Variants in DAB2IP observed in about 807,000 individuals in gnomAD.
The protein encoded by DAB2IP is disabled homolog 2-interacting protein.
A neutral mutation model predicts 107.2 loss-of-function variants in DAB2IP; 28 were observed. That is an observed-to-expected ratio of 0.26 (90% confidence interval 0.19 to 0.36). The LOEUF (loss-of-function observed/expected upper bound fraction) is 0.36. Ranked by LOEUF, DAB2IP falls within the 10% of genes least tolerant of loss-of-function variation. The pLI is 1.00. For synonymous variants in DAB2IP, 755 were observed against 706.4 expected, an observed-to-expected ratio of 1.07 and a Z score of -1.09; for missense variants, 1,400 against 1,644.7, an observed-to-expected ratio of 0.85 and a Z score of 2.57.
rs1337864990 is a variant in DAB2IP at position 121,772,920 on chromosome 9, G to A, written c.2392G>A (p.Ala798Thr). Reference sequence around the variant, plus strand: ...AACCCCAGTGAACCTGGCAGGGCTGGCCACGGTGCGGCGGGCAGGCCAGAC... The same window carrying A: ...AACCCCAGTGAACCTGGCAGGGCTGACCACGGTGCGGCGGGCAGGCCAGAC... Residue 798 changes from alanine (A) to threonine (T), a missense_variant, in exon 12 of 16, where the codon GCC becomes ACC. Around this residue, in one of 3 missense-constraint regions of DAB2IP, gnomAD observed 600 missense variants for 659.1 expected, o/e 0.91. Coordinates refer to ENST00000408936, the Ensembl canonical transcript of DAB2IP. The surrounding 1 kb of genome is among the most constrained non-coding windows in gnomAD (Gnocchi z 4.7). The A allele has an allele frequency of 6.4e-7, 1 of 1,563,840 alleles. No individual in the cohort carries two copies. Among genetic ancestry groups the A allele is most frequent in the Non-Finnish European group, 8.6e-7 (1 of 1,159,028 alleles).
chr9:121,762,800 A>T (rs559673375), intron 6 of DAB2IP, among the ~76,000 whole-genome samples: 1 of 152,228 alleles, frequency 6.6e-6, no homozygotes, highest in East Asian at 1.9e-4. Flanking sequence ...TAGTATCTGC[A>T]TGGTTGCTAG....
intron 1 of DAB2IP, among the ~76,000 whole-genome samples, chr9:121,664,703 C>T (rs572117471): frequency 9.2e-5 from 14 of 152,208 alleles, no homozygotes; most frequent in Non-Finnish European, 1.3e-4. Context: ...TGAGTGCTGG[C>T]GGAAGACACG....
intron 1 of DAB2IP, among the ~76,000 whole-genome samples, chr9:121,573,084 G>GTTTA (rs1829986000): frequency 1.3e-5 from 2 of 152,114 alleles, no homozygotes; most frequent in African/African-American, 4.8e-5. Flanking sequence ...TTGTTTGTTT[G>GTTTA]TTTGTTTTTG....
At chr9:121,593,530 C>T (rs1830457149) in intron 1 of DAB2IP, among the ~76,000 whole-genome samples, 1 of 152,160 alleles carries the variant, frequency 6.6e-6, no homozygotes, top group Admixed American at 6.5e-5. Flanking sequence ...TCCTGGCCTC[C>T]CAAAGTGCTG....
At chr9:121,704,459 T>C (rs1320689742) in intron 3 of DAB2IP, among the ~76,000 whole-genome samples, 1 of 152,206 alleles carries the variant, frequency 6.6e-6, no homozygotes, top group Non-Finnish European at 1.5e-5. Flanking sequence ...CCAGTGGCAG[T>C]GCTTCTTTTG....
chr9:121,580,861 G>A (rs1355830135), intron 1 of DAB2IP, among the ~76,000 whole-genome samples: 3 of 152,128 alleles, frequency 2.0e-5, no homozygotes, highest in Non-Finnish European at 2.9e-5. Context: ...TCCTGACCTC[G>A]TGATCCACCC....
At chr9:121,764,314 G>A (rs1266844056) in intron 8 of DAB2IP, among the ~76,000 whole-genome samples, 1 of 152,212 alleles carries the variant, frequency 6.6e-6, no homozygotes, top group Non-Finnish European at 1.5e-5. Context: ...CACCAGGCAG[G>A]CCTCTTGCTG....
At chr9:121,652,985 C>T (rs1832814101) in intron 1 of DAB2IP, among the ~76,000 whole-genome samples, 1 of 152,090 alleles carries the variant, frequency 6.6e-6, no homozygotes, top group Non-Finnish European at 1.5e-5. Context: ...GTAGTGAGTT[C>T]CCTGTGCACA....
intron 1 of DAB2IP, among the ~76,000 whole-genome samples, chr9:121,677,332 A>G (rs1020178120): frequency 6.6e-6 from 1 of 152,200 alleles, no homozygotes; most frequent in African/African-American, 2.4e-5. Flanking sequence ...CAGCTTGGGC[A>G]ACAAAGGAAA....
intron 1 of DAB2IP, among the ~76,000 whole-genome samples, chr9:121,596,940 T>G (rs1182871697): frequency 6.6e-6 from 1 of 152,206 alleles, no homozygotes; most frequent in East Asian, 1.9e-4. Flanking sequence ...GAAGTGGCAC[T>G]TTACTGGGAT....
At chr9:121,742,777 T>G in intron 3 of DAB2IP, 2 of 985,518 alleles carry the variant, frequency 2.0e-6, no homozygotes, top group Non-Finnish European at 2.4e-6. Context: ...GCTTTCACCT[T>G]CCCCTAGTGT....
In DAB2IP at chr9:121,662,104, G is replaced by A. The variant is rs1466040313; in HGVS notation, c.124+10205G>A. On this transcript the variant is annotated intron_variant, in intron 1 of 15. Coordinates refer to ENST00000408936, the Ensembl canonical transcript of DAB2IP. The surrounding 1 kb of genome is among the most constrained non-coding windows in gnomAD (Gnocchi z 4.6). ...CCCACCAATAAGCTCTGGGATCACT[G>A]GGGGGTTATTTCCAGCCCTTCCCCT... is the stretch of plus-strand genomic sequence containing the variant. 6.6e-6 allele frequency among the ~76,000 whole-genome samples: 1 copy of A among 152,160 alleles called. No individual in the cohort carries two copies. Among genetic ancestry groups the A allele is most frequent in the Non-Finnish European group, 1.5e-5 (1 of 68,014 alleles).
At chr9:121,590,960 G>T (rs1321178202) in intron 1 of DAB2IP, among the ~76,000 whole-genome samples, 1 of 152,196 alleles carries the variant, frequency 6.6e-6, no homozygotes, top group Non-Finnish European at 1.5e-5. Context: ...TGAGCCATGG[G>T]TGTGTCATGT....
chr9:121,760,099 G>A lies in DAB2IP; in HGVS notation c.830G>A (p.Arg277Gln), dbSNP rs1422475960. Residue 277 changes from arginine to glutamine, a missense_variant, in exon 6 of 16, where the codon CGG (arginine) becomes CAG (glutamine). Around this residue, in one of 3 missense-constraint regions of DAB2IP, gnomAD observed 517 missense variants for 748.6 expected, o/e 0.69. Transcript: ENST00000408936. This position sits in a 1 kb window ranked among gnomAD's most constrained non-coding sequence, Gnocchi z 5.9. ...CGCACGGTCACTGTCCACCTGTACC[G>A]GGAGACCGACAAGAAGAAGAAGAAG... is the stretch of plus-strand genomic sequence containing the variant. 3 of 1,613,900 alleles carry A rather than the reference G, an allele frequency of 1.9e-6. No homozygotes were observed. Among genetic ancestry groups the A allele is most frequent in the Admixed American group, 1.7e-5 (1 of 60,000 alleles).
rs79095132 is a variant in DAB2IP at position 121,763,458 on chromosome 9, T to G, written c.1171-47T>G. ...AGGTCTGGAATCCTAGGGCCCTCCATGCCAGGCCAGCTCAGGTCCTGCTCT... is the reference window on the plus strand; with the variant it reads ...AGGTCTGGAATCCTAGGGCCCTCCAGGCCAGGCCAGCTCAGGTCCTGCTCT... On this transcript the variant is annotated intron_variant, in intron 6 of 15. Coordinates refer to ENST00000408936, the Ensembl canonical transcript of DAB2IP. The G allele has an allele frequency of 1.5e-3, 2,408 of 1,574,538 alleles. 32 individuals carry two copies. The African/African-American group carries it at 0.03, about 20-fold the overall frequency.
chr9:121,626,036 C>T (rs1229294504), intron 1 of DAB2IP, among the ~76,000 whole-genome samples: 4 of 152,112 alleles, frequency 2.6e-5, no homozygotes, highest in Non-Finnish European at 5.9e-5. Flanking sequence ...GGCTGGGGCA[C>T]ACGTGGGGTA....
chr9:121,649,710 C>G (rs1057046481), upstream of DAB2IP, among the ~76,000 whole-genome samples: 1 of 152,186 alleles, frequency 6.6e-6, no homozygotes, highest in African/African-American at 2.4e-5. Flanking sequence ...GCTCAGAACC[C>G]CACCTACGTG....
chr9:121,616,543 C>G (rs1831286551), intron 1 of DAB2IP, among the ~76,000 whole-genome samples: 2 of 152,154 alleles, frequency 1.3e-5, no homozygotes, highest in South Asian at 4.1e-4. Context: ...AGGGATGGAA[C>G]AGTGACTAAA....
intron 1 of DAB2IP, among the ~76,000 whole-genome samples, chr9:121,630,613 T>A (rs1331972733): frequency 2.6e-5 from 4 of 151,668 alleles, no homozygotes; most frequent in African/African-American, 4.8e-5. Context: ...TTTTTAATTT[T>A]TATATATATT....
Sources: gnomAD v4.1 joint callset for allele counts (sites outside exome capture counted in the v4.1 genomes callset) on GRCh38, gnomAD v4.1.1 for gene constraint, gnomAD v4.1.1 regional missense constraint, Gnocchi (gnomAD v3.1) non-coding constraint, MANE v1.5 for transcripts, NCBI Gene and HGNC (gene_info 2026-07-23, HGNC 2026-07-21) for gene names.